AP3D1: variants seen among roughly 807,000 people sequenced by gnomAD.
The protein encoded by AP3D1 is AP-3 complex subunit delta-1.
Under a neutral mutation model 147.6 loss-of-function variants are expected in AP3D1, and 51 were observed. That is an observed-to-expected ratio of 0.35 (90% CI 0.28 to 0.44). The LOEUF is 0.44. Ranked by LOEUF, AP3D1 falls within the 20% of genes least tolerant of loss-of-function variation. AP3D1 has a pLI of 1.00. For synonymous variants in AP3D1, 760 were observed against 663.0 expected, an observed-to-expected ratio of 1.15 and a Z score of -2.25; for missense variants, 1,421 against 1,624.2, an observed-to-expected ratio of 0.87 and a Z score of 2.15.
Position 2,127,141 on chromosome 19 carries a change from C to T in AP3D1, c.856+11G>A, listed in dbSNP as rs562968526. 3.1e-6 allele frequency: 5 copies of T among 1,613,800 alleles called. No individual in the cohort carries two copies. In the African/African-American group the frequency reaches 6.7e-5, roughly 22 times the overall value. On this transcript the variant is annotated intron_variant, in intron 9 of 31. Transcript: ENST00000643116. ...CCAGCCCTTCCAGATGGGGAGAGTG[C>T]CAGTTCTCACCTGCAATCACGGTGT...
chr19:2,155,837 G>A (rs2019640763), upstream of AP3D1, among the ~76,000 whole-genome samples: 1 of 152,092 alleles, frequency 6.6e-6, no homozygotes, highest in Admixed American at 6.6e-5. Flanking sequence ...CGGATCAGGA[G>A]GTCAGGAGAT....
chr19:2,147,699 T>C (rs2019396895), intron 1 of AP3D1, among the ~76,000 whole-genome samples: 1 of 141,056 alleles, frequency 7.1e-6, no homozygotes, highest in South Asian at 2.3e-4. Flanking sequence ...ATTGAGACCA[T>C]ACTGGCCAAC....
chr19:2,123,127 G>A (rs1191265205), intron 11 of AP3D1, among the ~76,000 whole-genome samples: 1 of 152,248 alleles, frequency 6.6e-6, no homozygotes, highest in Non-Finnish European at 1.5e-5. Context: ...TCTCCCCTGG[G>A]ACTGGGGCTC....
At chr19:2,128,368 G>A (rs528085678) in intron 8 of AP3D1, among the ~76,000 whole-genome samples, 4 of 152,208 alleles carry the variant, frequency 2.6e-5, no homozygotes, top group Admixed American at 2.0e-4. Context: ...AGTCTAGGAC[G>A]GACAGTCATC....
chr19:2,110,114 C>T (rs368379367), intron 28 of AP3D1, 22 bp downstream of exon 28: 181 of 1,609,104 alleles, frequency 1.1e-4, no homozygotes, highest in East Asian at 6.5e-4. Flanking sequence ...GGCTCTTCAA[C>T]GCCAAGTGGA....
upstream of AP3D1, among the ~76,000 whole-genome samples, chr19:2,152,547 AAAAG>A (rs1392816183): frequency 6.6e-6 from 1 of 150,710 alleles, no homozygotes; most frequent in Non-Finnish European, 1.5e-5. Flanking sequence ...GTCTAAAAAA[AAAAG>A]AGAGGGAGAA....
chr19:2,142,496 C>T (rs1373847868), intron 1 of AP3D1, among the ~76,000 whole-genome samples: 1 of 152,200 alleles, frequency 6.6e-6, no homozygotes, highest in African/African-American at 2.4e-5. Context: ...CCTTCGCCTC[C>T]AATGAATTAA....
intron 22 of AP3D1, among the ~76,000 whole-genome samples, 155 bp from the exon 23 acceptor site, chr19:2,113,568 A>G (rs1383469882): frequency 5.9e-5 from 9 of 152,184 alleles, no homozygotes; most frequent in African/African-American, 2.2e-4. Flanking sequence ...CAGGAGCTGA[A>G]GGCGATGTCC....
intron 31 of AP3D1, among the ~76,000 whole-genome samples, chr19:2,104,489 C>A (rs2018054003): frequency 6.6e-6 from 1 of 150,820 alleles, no homozygotes; most frequent in African/African-American, 2.4e-5. Flanking sequence ...CAGACCCCAA[C>A]ACCAAGACAC....
chr19:2,111,947 G>T, intron 24 of AP3D1, 119 bp from the exon 25 acceptor site: 2 of 1,504,572 alleles, frequency 1.3e-6, no homozygotes, highest in South Asian at 1.2e-5. Context: ...GCCTGGGTGG[G>T]ATGGCAGGAC....
chr19:2,102,121 G>T lies in AP3D1; in HGVS notation c.*52C>A. The T allele has an allele frequency of 6.9e-7, 1 of 1,444,922 alleles. No individual in the cohort carries two copies. The highest frequency in any genetic ancestry group is 9.7e-7 in the Non-Finnish European group (1 of 1,030,704). 89.5% of individuals were successfully genotyped at this position (1,444,922 alleles called of 1,614,324 possible). On this transcript the variant is annotated 3_prime_UTR_variant, in exon 32 of 32. Coordinates refer to ENST00000643116, the MANE Select transcript of AP3D1 (RefSeq NM_001261826.3). Reference sequence around the variant, plus strand: ...AGGAGAGGCGAGACACGTCAGGGCTGCGGTCCCTGGGTACGTGCTCCGCGG... The same window carrying T: ...AGGAGAGGCGAGACACGTCAGGGCTTCGGTCCCTGGGTACGTGCTCCGCGG...
At chr19:2,136,987 C>A (rs200207591) in intron 4 of AP3D1, 24 bp downstream of exon 4, 10 of 1,560,932 alleles carry the variant, frequency 6.4e-6, no homozygotes, top group African/African-American at 2.7e-5. Context: ...CAGCACAGAG[C>A]GGCCCCGGCC....
At chr19:2,130,626 G>C (rs1043688080) in intron 5 of AP3D1, 89 bp from the exon 6 acceptor site, 2 of 1,574,504 alleles carry the variant, frequency 1.3e-6, no homozygotes, top group African/African-American at 2.7e-5. Flanking sequence ...ACAGAGAGGA[G>C]ATGCCCTCCA....
In AP3D1 at chr19:2,111,377, G is replaced by C. The variant is rs758572526; in HGVS notation, c.2938-45C>G. Reference sequence around the variant, plus strand: ...ATCAGCCTTGGGGGCCCCGAGCTCCGTCTCAGCGAAGACTCCAGTATGGCC... The same window carrying C: ...ATCAGCCTTGGGGGCCCCGAGCTCCCTCTCAGCGAAGACTCCAGTATGGCC... On this transcript the variant is annotated intron_variant, in intron 25 of 31. Transcript: ENST00000643116. 2.5e-6 allele frequency: 4 copies of C among 1,609,938 alleles called. No homozygotes were observed. The Admixed American group carries it at 6.7e-5, about 27-fold the overall frequency.
chr19:2,128,344 C>T (rs1405071111), intron 8 of AP3D1, among the ~76,000 whole-genome samples: 1 of 152,100 alleles, frequency 6.6e-6, no homozygotes, highest in Non-Finnish European at 1.5e-5. Flanking sequence ...CCGGGAATGC[C>T]ACTACAGGCT....
At chr19:2,108,917 G>C (rs986632675) in intron 30 of AP3D1, 151 bp from the exon 31 acceptor site, 1 of 1,311,578 alleles carries the variant, frequency 7.6e-7, no homozygotes, top group African/African-American at 1.5e-5. Flanking sequence ...CTGGGGTGTG[G>C]GGAATGCAGC....
At chr19:2,143,491 T>G (rs1476370076) in intron 1 of AP3D1, among the ~76,000 whole-genome samples, 2 of 151,472 alleles carry the variant, frequency 1.3e-5, no homozygotes, top group Non-Finnish European at 2.9e-5. Context: ...CCGCCCACCT[T>G]GGCCTCTCAA....
At chr19:2,155,775 G>A (rs1430662240), upstream of AP3D1, among the ~76,000 whole-genome samples, 2 of 152,040 alleles carry the variant, frequency 1.3e-5, no homozygotes, top group African/African-American at 4.8e-5. Context: ...AGAATGGGCC[G>A]GGCGCGGTGG....
intron 4 of AP3D1, among the ~76,000 whole-genome samples, chr19:2,135,656 C>A (rs2019056408): frequency 6.6e-6 from 1 of 152,228 alleles, no homozygotes; most frequent in African/African-American, 2.4e-5. Context: ...GCGTCCGAGG[C>A]CAGGCCAGGG....
Sources: allele counts gnomAD v4.1 joint callset (sites outside exome capture counted in the v4.1 genomes callset), GRCh38; gene constraint gnomAD v4.1.1; transcripts MANE v1.5; gene names NCBI Gene and HGNC (gene_info 2026-07-23, HGNC 2026-07-21).